ARX: variants seen among roughly 807,000 people sequenced by gnomAD.
ARX encodes homeobox protein ARX.
Under a neutral mutation model 23.1 loss-of-function variants are expected in ARX, and 1 was observed. The ratio of observed to expected loss-of-function variants is 0.04; its 90% CI spans 0.02 to 0.21. The LOEUF (loss-of-function observed/expected upper bound fraction) is 0.21, where lower values mean the gene tolerates loss of function less well. Among genes scored for constraint, ARX ranks in the 10% least tolerant of loss-of-function variants. The pLI is 1.00. For synonymous variants in ARX, 301 were observed against 270.1 expected (o/e 1.11, Z -1.12); for missense variants, 380 against 527.5 (o/e 0.72, Z 2.74).
chrX:25,011,142 T>A (rs1399065699), intron 2 of ARX, among the ~76,000 whole-genome samples: 1 of 111,861 alleles, frequency 8.9e-6, no homozygotes, highest in East Asian at 2.8e-4. Context: ...GCCCTCCGGC[T>A]CGCTAATATG....
At chrX:25,005,018 A>G in intron 4 of ARX, 108 bp from the exon 5 acceptor site, 1 of 1,002,758 alleles carries the variant, frequency 1.0e-6, no homozygotes, top group African/African-American at 2.0e-5. Context: ...CGCGGTACCC[A>G]CGGGACCCGG....
intron 4 of ARX, chrX:25,006,743 T>C: frequency 7.4e-6 from 1 of 135,402 alleles, no homozygotes. Flanking sequence ...GGAAGAACTT[T>C]TGCAAAACTT....
chrX:25,011,908 C>G (rs1176287215), intron 2 of ARX, among the ~76,000 whole-genome samples: 1 of 113,093 alleles, frequency 8.8e-6, no homozygotes, highest in Non-Finnish European at 1.9e-5. Context: ...CTTTCTCCCC[C>G]TCACTGGGGG....
chrX:25,014,313 G>A (rs1401975913), intron 1 of ARX, among the ~76,000 whole-genome samples: 1 of 111,937 alleles, frequency 8.9e-6, no homozygotes, highest in Non-Finnish European at 1.9e-5. Flanking sequence ...TCGGGGCAGA[G>A]GAAAATCCGA....
At chrX:25,010,123 T>A (rs1284363497) in intron 3 of ARX, 137 bp downstream of exon 3, 1 of 696,355 alleles carries the variant, frequency 1.4e-6, no homozygotes, top group African/African-American at 2.2e-5. Context: ...TGCTTGGGTC[T>A]ACTTTTCTGA....
At chrX:25,005,076 C>T (rs1269423579) in intron 4 of ARX, among the ~76,000 whole-genome samples, 166 bp from the exon 5 acceptor site, 1 of 112,231 alleles carries the variant, frequency 8.9e-6, no homozygotes, top group Non-Finnish European at 1.9e-5. Context: ...GGAAGCTGGA[C>T]CCCGCAGAGA....
At position 25,004,607 on chromosome X, in the gene ARX, G is replaced by C. The variant is rs1357837681; in HGVS notation, c.*63C>G. ...TGGTCCTCTGTTTCCATTTGGTCTT[G>C]AGTGGTGCTGAGTGAGGTGACCTTT... On this transcript the variant is annotated 3_prime_UTR_variant, in exon 5 of 5. Transcript: ENST00000379044. The C allele has an allele frequency of 3.5e-6, 4 of 1,158,463 alleles. No homozygotes were observed. In the African/African-American group the frequency reaches 7.1e-5, roughly 21 times the overall value.
At chrX:25,014,107 CT>C (rs1367017843) in intron 1 of ARX, among the ~76,000 whole-genome samples, 1 of 108,187 alleles carries the variant, frequency 9.2e-6, no homozygotes, top group Non-Finnish European at 1.9e-5. Context: ...CCTCTTGCCC[CT>C]CTCTCCCTTC....
Position 25,004,666 on chromosome X carries a change from G to C in ARX, c.*4C>G, listed in dbSNP as rs1482417671. On this transcript the variant is annotated 3_prime_UTR_variant, in exon 5 of 5. Coordinates refer to ENST00000379044, the MANE Select transcript of ARX (RefSeq NM_139058.3). Reference sequence around the variant, plus strand: ...GCGCGGGGCGCGGGTGTGGAGGGCAGCCTTTAGCACACCTCCTTGCCCGTG... The same window carrying C: ...GCGCGGGGCGCGGGTGTGGAGGGCACCCTTTAGCACACCTCCTTGCCCGTG... The C allele has an allele frequency of 2.6e-6, 3 of 1,164,228 alleles. No homozygotes were observed. Among genetic ancestry groups the C allele is most frequent in the Non-Finnish European group, 3.4e-6 (3 of 872,643 alleles).
chrX:25,006,237 ACTCTG>A (rs1005627032), intron 4 of ARX, among the ~76,000 whole-genome samples: 4 of 112,180 alleles, frequency 3.6e-5, no homozygotes, highest in African/African-American at 6.5e-5. Flanking sequence ...TGAGTCACTA[ACTCTG>A]CTTCAGTGCG....
rs1380354783 is a variant in ARX at position 25,004,301 on chromosome X, T to TAA, written c.*367_*368dup. 2 of 174,448 alleles carry TAA rather than the reference T, an allele frequency of 1.1e-5. No homozygotes were observed. The highest frequency in any genetic ancestry group is 2.1e-5 in the Non-Finnish European group (2 of 95,589). 14.4% of individuals were successfully genotyped at this position (174,448 alleles called of 1,213,427 possible). A position where few individuals can be genotyped will look rare whatever the true frequency, so the allele number is the denominator to read the frequency against. ...AGAAAGAAAGAAAGAAAAGAAAGGC[T>TAA]AAGTGGGGTGTCAGGAGGAAGAGGT... is the stretch of plus-strand genomic sequence containing the variant. On this transcript the variant is annotated 3_prime_UTR_variant, in exon 5 of 5. Coordinates refer to ENST00000379044, the MANE Select transcript of ARX (RefSeq NM_139058.3).
chrX:25,007,575 G>A, intron 3 of ARX, 136 bp from the exon 4 acceptor site: 1 of 841,647 alleles, frequency 1.2e-6, no homozygotes, highest in South Asian at 2.9e-5. Flanking sequence ...GCCCCTCTTT[G>A]GCCTCAGGTT....
At position 25,013,050 on chromosome X, in the gene ARX, C is replaced by A; in HGVS notation, c.945G>T (p.Ala315=). 8.3e-7 allele frequency: 1 copy of A among 1,200,083 alleles called. No individual in the cohort carries two copies. The highest frequency in any genetic ancestry group is 1.1e-6 in the Non-Finnish European group (1 of 889,938). The change falls in exon 2 of 5, where the codon GCG becomes GCT. Residue 315 remains alanine (A), a synonymous_variant. Transcript: ENST00000379044. ...GCAGCCCCTCCTCCGAGTCGCTGCC[C>A]GCAGAGAGGCACACGCTGTCCTCGC... ...KDGEDSVCLS[A]GSDSEEGLLK...
chrX:25,010,167 AC>A (rs1283032831), intron 3 of ARX, 92 bp downstream of exon 3: 18 of 865,399 alleles, frequency 2.1e-5, no homozygotes, highest in Non-Finnish European at 2.7e-5. Flanking sequence ...AGGGGATCTC[AC>A]CCCCCGCACC....
At chrX:25,011,069 T>C (rs1395987765) in intron 2 of ARX, among the ~76,000 whole-genome samples, 3 of 111,925 alleles carry the variant, frequency 2.7e-5, no homozygotes. Flanking sequence ...AGGAAACCAT[T>C]AAGATGCTGT....
chrX:25,014,926 C>T (rs1318697487), intron 1 of ARX, among the ~76,000 whole-genome samples: 1 of 111,478 alleles, frequency 9.0e-6, no homozygotes, highest in Non-Finnish European at 1.9e-5. Context: ...TTAAACAGCT[C>T]GTCTATTTTA....
Position 25,003,731 on chromosome X carries a change from C to G in ARX, c.*939G>C, listed in dbSNP as rs925601230. Reference sequence around the variant, plus strand: ...TATAATTTTTTTATTTTGAGCGTGACACTTCTCCACTAGATAGCAAGGAAA... The same window carrying G: ...TATAATTTTTTTATTTTGAGCGTGAGACTTCTCCACTAGATAGCAAGGAAA... On this transcript the variant is annotated 3_prime_UTR_variant, in exon 5 of 5. Coordinates refer to ENST00000379044, the MANE Select transcript of ARX (RefSeq NM_139058.3). 5 of 111,865 alleles carry G rather than the reference C, an allele frequency of 4.5e-5. No homozygotes were observed. The highest frequency in any genetic ancestry group is 1.6e-4 in the African/African-American group (5 of 30,734). The allele number at this position is 111,865 out of a possible 1,213,427, so 9.2% of individuals were successfully genotyped here.
Position 25,004,888 on chromosome X carries a change from G to T in ARX, c.1471C>A (p.Leu491Met), listed in dbSNP as rs752807804. Residue 491 changes from leucine (L) to methionine (M), a missense_variant, in exon 5 of 5, where the codon CTG becomes ATG. By Grantham distance (15) the Leu-to-Met change is conservative. Coordinates refer to ENST00000379044, the MANE Select transcript of ARX (RefSeq NM_139058.3). The stretch of plus-strand genomic sequence containing the variant: ...GCGGCCGCGGTCGACGCGCTGGTCA[G>T]GGGGGCCATTGTGGAAAAGAGCCTG... ...FGRLFSTMAPLTSASTAAALL... is the reference protein window; with the variant it reads ...FGRLFSTMAPMTSASTAAALL... 39 of 1,140,320 alleles carry T rather than the reference G, an allele frequency of 3.4e-5. No individual in the cohort carries two copies. Among genetic ancestry groups the T allele is most frequent in the Non-Finnish European group, 2.9e-5 (25 of 863,247 alleles). 94.0% of individuals were successfully genotyped at this position (1,140,320 alleles called of 1,213,427 possible).
intron 2 of ARX, among the ~76,000 whole-genome samples, chrX:25,012,518 C>T (rs923373437): frequency 8.9e-6 from 1 of 112,920 alleles, no homozygotes; most frequent in African/African-American, 3.2e-5. Context: ...ACAGCGCTTC[C>T]TGAGCCTCGC....
Sources: gnomAD v4.1 joint callset for allele counts (sites outside exome capture counted in the v4.1 genomes callset) on GRCh38, gnomAD v4.1.1 for gene constraint, MANE v1.5 for transcripts, NCBI Gene and HGNC (gene_info 2026-07-23, HGNC 2026-07-21) for gene names.